Variants in TRMT10A observed in about 807,000 individuals in gnomAD.
TRMT10A encodes tRNA methyltransferase 10 homolog A.
TRMT10A carries 37 observed loss-of-function variants against 40.4 expected under a neutral mutation model. The ratio of observed to expected loss-of-function variants is 0.92; its 90% confidence interval spans 0.71 to 1.21. The LOEUF is 1.21. TRMT10A is among the 50% of genes most tolerant of loss of function. The pLI is 0.00. For missense variants in TRMT10A, 388 were observed against 404.3 expected, an observed-to-expected ratio of 0.96 and a Z score of 0.35; for synonymous variants, 103 against 134.1, an observed-to-expected ratio of 0.77 and a Z score of 1.60.
rs1724157890 is a variant in TRMT10A at position 99,556,282 on chromosome 4, A to C, written c.421-62T>G. ...AATGACCATTTAAGTCTAATATTTTATTTCTCTCATCTACTTATCTGACGA... is the reference window on the plus strand; with the variant it reads ...AATGACCATTTAAGTCTAATATTTTCTTTCTCTCATCTACTTATCTGACGA... On this transcript the variant is annotated intron_variant, in intron 4 of 7. Coordinates refer to ENST00000394876, the MANE Select transcript of TRMT10A (RefSeq NM_001134665.3). 3 of 1,387,210 alleles carry C rather than the reference A, an allele frequency of 2.2e-6. No homozygotes were observed. In the African/African-American group the frequency reaches 4.3e-5, roughly 20 times the overall value. 85.9% of individuals were successfully genotyped at this position (1,387,210 alleles called of 1,614,324 possible).
rs1186830084 is a variant in TRMT10A, at chr4:99,548,862, CA to C, written c.*225del. 4.8e-5 allele frequency: 19 copies of C among 391,950 alleles called. No homozygotes were observed. The highest frequency in any genetic ancestry group is 7.0e-4 in the Middle Eastern group (1 of 1,430). 24.3% of individuals were successfully genotyped at this position (391,950 alleles called of 1,614,324 possible). On this transcript the variant is annotated 3_prime_UTR_variant, in exon 8 of 8. Coordinates refer to ENST00000394876, the MANE Select transcript of TRMT10A (RefSeq NM_001134665.3). The stretch of plus-strand genomic sequence containing the variant: ...ACTACTGAGGCTTTAAAAACAAAAA[CA>C]AAAAAAATCACATACACATTTAAAT...
rs1247128616 is a variant in TRMT10A, at chr4:99,557,497, CA to C, written c.349-82del. 4 of 1,212,838 alleles carry C rather than the reference CA, an allele frequency of 3.3e-6. No individual in the cohort carries two copies. The East Asian group carries it at 9.7e-5, about 29-fold the overall frequency. The allele number at this position is 1,212,838 out of a possible 1,614,324, so 75.1% of individuals were successfully genotyped here. A position where few individuals can be genotyped will look rare whatever the true frequency, so the allele number is the denominator to read the frequency against. Reference sequence around the variant, plus strand: ...TATGATCTTAAAGGAATGGAATAAGCAGAAGGGATGACTATATACATACAAT... The same window carrying C: ...TATGATCTTAAAGGAATGGAATAAGCGAAGGGATGACTATATACATACAAT... On this transcript the variant is annotated intron_variant, in intron 3 of 7. Transcript: ENST00000394876.
rs140905333 is a variant in TRMT10A at position 99,550,971 on chromosome 4, G to A, written c.665C>T (p.Ala222Val). The A allele has an allele frequency of 1.5e-4, 245 of 1,611,388 alleles. No individual in the cohort carries two copies. In the African/African-American group the frequency reaches 2.5e-3, roughly 16 times the overall value. ...NHHKGLTYKQASDYGINHAQL... is the reference protein window; with the variant it reads ...NHHKGLTYKQVSDYGINHAQL... ...TGCATGATTGATTCCATAATCTGAC[G>A]CTTGTTTATATGTGAGTCCCTAAAA... The change falls in exon 7 of 8, where the codon GCG becomes GTG. Residue 222 changes from alanine to valine, a missense_variant. Physicochemically the swap from Ala to Val is moderately conservative, Grantham distance 64. Transcript: ENST00000394876.
At chr4:99,563,852 C>G (rs1724573338) in intron 1 of TRMT10A, 61 bp downstream of exon 1, 2 of 677,344 alleles carry the variant, frequency 3.0e-6, no homozygotes, top group Non-Finnish European at 5.4e-6. Context: ...TGGCACGCGC[C>G]CCTTTGCGTC....
At position 99,548,296 on chromosome 4, in the gene TRMT10A, A is replaced by G. The variant is rs1367378039; in HGVS notation, c.*792T>C. On this transcript the variant is annotated 3_prime_UTR_variant, in exon 8 of 8. Coordinates refer to ENST00000394876, the MANE Select transcript of TRMT10A (RefSeq NM_001134665.3). ...GCCAACAAATTTAAAAAAAATATGGAAAAAAAAACCACAGCTGCTAAGAGC... is the reference window on the plus strand; with the variant it reads ...GCCAACAAATTTAAAAAAAATATGGGAAAAAAAACCACAGCTGCTAAGAGC... 2.0e-5 allele frequency: 3 copies of G among 151,022 alleles called. No individual in the cohort carries two copies. Among genetic ancestry groups the G allele is most frequent in the African/African-American group, 4.9e-5 (2 of 41,092 alleles). 9.4% of individuals were successfully genotyped at this position (151,022 alleles called of 1,614,324 possible). A position where few individuals can be genotyped will look rare whatever the true frequency, so the allele number is the denominator to read the frequency against.
intron 6 of TRMT10A, among the ~76,000 whole-genome samples, chr4:99,552,971 A>G (rs1472482020): frequency 6.6e-6 from 1 of 152,160 alleles, no homozygotes; most frequent in East Asian, 1.9e-4. Context: ...AAACATAAAC[A>G]TGAGAAAAAA....
At chr4:99,559,597 C>A (rs1296055843) in intron 1 of TRMT10A, among the ~76,000 whole-genome samples, 1 of 152,146 alleles carries the variant, frequency 6.6e-6, no homozygotes, top group Non-Finnish European at 1.5e-5. Context: ...TACAATTTTT[C>A]CAGAAGGCAA....
chr4:99,548,956 A>T lies in TRMT10A; in HGVS notation c.*132T>A. 5 of 816,798 alleles carry T rather than the reference A, an allele frequency of 6.1e-6. No homozygotes were observed. Among genetic ancestry groups the T allele is most frequent in the Non-Finnish European group, 8.8e-6 (5 of 569,272 alleles). 50.6% of individuals were successfully genotyped at this position (816,798 alleles called of 1,614,324 possible). ...AGGGCTTTTTTTTTTATTATTATTT[A>T]GGTCCAAAAAAAAGTTTTTAAAAAT... On this transcript the variant is annotated 3_prime_UTR_variant, in exon 8 of 8. Coordinates refer to ENST00000394876, the MANE Select transcript of TRMT10A (RefSeq NM_001134665.3).
chr4:99,551,202 GCTC>G (rs1723951286), intron 6 of TRMT10A, among the ~76,000 whole-genome samples: 1 of 152,082 alleles, frequency 6.6e-6, no homozygotes, highest in African/African-American at 2.4e-5. Context: ...TTTGTTTTAA[GCTC>G]CTCAAGTTAC....
At chr4:99,558,429 T>C (rs1724254262) in intron 2 of TRMT10A, among the ~76,000 whole-genome samples, 1 of 152,110 alleles carries the variant, frequency 6.6e-6, no homozygotes, top group Non-Finnish European at 1.5e-5. Context: ...GATCTAAAGC[T>C]TTCTATCTAA....
At chr4:99,551,682 A>T (rs1282099171) in intron 6 of TRMT10A, among the ~76,000 whole-genome samples, 1 of 152,150 alleles carries the variant, frequency 6.6e-6, no homozygotes, top group East Asian at 1.9e-4. Flanking sequence ...AAAAAATAAT[A>T]ATTACATATA....
At chr4:99,563,811 C>T (rs1444239005) in intron 1 of TRMT10A, 102 bp downstream of exon 1, 2 of 618,322 alleles carry the variant, frequency 3.2e-6, no homozygotes, top group Admixed American at 2.1e-5. Context: ...CCCTCTCCCC[C>T]GGAAGCCCTT....
Position 99,550,927 on chromosome 4 carries a change from A to G in TRMT10A, c.709T>C (p.Phe237Leu), listed in dbSNP as rs868525420. 1 of 1,613,334 alleles carries G rather than the reference A, an allele frequency of 6.2e-7. No individual in the cohort carries two copies. Among genetic ancestry groups the G allele is most frequent in the African/African-American group, 1.3e-5 (1 of 74,998 alleles). Residue 237 changes from phenylalanine (F) to leucine (L), a missense_variant, in exon 7 of 8, where the codon TTT (phenylalanine) becomes CTT (leucine). Transcript: ENST00000394876. ...ACTTTTCGACTATTCATCTTCACAA[A>G]ATTTCCAAGTGGGAGCTGTGCATGA... The part of the protein sequence containing the change: ...INHAQLPLGN[F>L]VKMNSRKVLA...
intron 5 of TRMT10A, among the ~76,000 whole-genome samples, chr4:99,554,902 A>T (rs1261061576): frequency 1.3e-5 from 2 of 152,186 alleles, no homozygotes; most frequent in Non-Finnish European, 2.9e-5. Context: ...AGCCACATTG[A>T]CTGCATAAAA....
rs530020941 is a variant in TRMT10A, at chr4:99,559,030, T to C, written c.185+124A>G. ...TCTCTTGCGTTTTTCTTTACGCTTT[T>C]GTCTAAAATTAGTAATTGAATTTTA... On this transcript the variant is annotated intron_variant, in intron 2 of 7. Transcript: ENST00000394876. The C allele has an allele frequency of 8.4e-5, 91 of 1,079,684 alleles. 2 individuals are homozygous for C. In the South Asian group the frequency reaches 2.0e-3, roughly 23 times the overall value. 66.9% of individuals were successfully genotyped at this position (1,079,684 alleles called of 1,614,324 possible).
chr4:99,563,420 A>T (rs1724538177), intron 1 of TRMT10A: 1 of 160,474 alleles, frequency 6.2e-6, no homozygotes, highest in African/African-American at 2.4e-5. Flanking sequence ...CAGCGACGTC[A>T]GCCCTTTGCA....
At chr4:99,554,093 C>T (rs1724067393) in intron 5 of TRMT10A, among the ~76,000 whole-genome samples, 159 bp from the exon 6 acceptor site, 1 of 152,116 alleles carries the variant, frequency 6.6e-6, no homozygotes. Flanking sequence ...TTTACTACAT[C>T]AATTTCTTAT....
chr4:99,548,890 T>C lies in TRMT10A; in HGVS notation c.*198A>G. ...AAAAAATCACATACACATTTAAATC[T>C]TCTTACGCAAAATCAAAAAATATTT... On this transcript the variant is annotated 3_prime_UTR_variant, in exon 8 of 8. Coordinates refer to ENST00000394876, the MANE Select transcript of TRMT10A (RefSeq NM_001134665.3). 1 of 509,634 alleles carries C rather than the reference T, an allele frequency of 2.0e-6. No homozygotes were observed. Among genetic ancestry groups the C allele is most frequent in the Non-Finnish European group, 3.2e-6 (1 of 309,730 alleles). 31.6% of individuals were successfully genotyped at this position (509,634 alleles called of 1,614,324 possible).
rs550754596 is a variant in TRMT10A at position 99,554,738 on chromosome 4, A to G, written c.496-804T>C. Among the ~76,000 whole-genome samples the G allele has an allele frequency of 1.5e-4, 22 of 151,696 alleles. No individual in the cohort carries two copies. In the East Asian group the frequency reaches 2.5e-3, roughly 17 times the overall value. ...ACTACGTTTCAAAAAAAAAAAAAAA[A>G]AAAGAAAGAAAAAAAGAAAAGGAAA... On this transcript the variant is annotated intron_variant, in intron 5 of 7. Coordinates refer to ENST00000394876, the MANE Select transcript of TRMT10A (RefSeq NM_001134665.3).
Sources: allele counts gnomAD v4.1 joint callset (sites outside exome capture counted in the v4.1 genomes callset), GRCh38; gene constraint gnomAD v4.1.1; transcripts MANE v1.5; gene names NCBI Gene and HGNC (gene_info 2026-07-23, HGNC 2026-07-21).